Variants in SAMHD1 observed in about 807,000 individuals in gnomAD.
SAMHD1 encodes the protein SAM and HD domain containing deoxynucleoside triphosphate triphosphohydrolase 1, also known as deoxynucleoside triphosphate triphosphohydrolase SAMHD1.
SAMHD1 carries 54 observed loss-of-function variants against 79.6 expected under a neutral mutation model. That is an observed-to-expected ratio of 0.68 (90% CI 0.55 to 0.85). SAMHD1 has a LOEUF of 0.85. SAMHD1 is among the 40% of genes least tolerant of loss of function. The probability of loss-of-function intolerance (pLI) is 0.00; values close to 1 mark genes in which losing one functional copy is unlikely to be tolerated. For synonymous variants in SAMHD1, 260 were observed against 264.1 expected (o/e 0.98, Z 0.15); for missense variants, 663 against 782.7 (o/e 0.85, Z 1.82).
At position 36,951,668 on chromosome 20, in the gene SAMHD1, CA is replaced by C. The variant is rs764292654; in HGVS notation, c.-26del. 7.4e-6 allele frequency: 12 copies of C among 1,612,012 alleles called. 1 individual carries two copies. The South Asian group carries it at 1.3e-4, about 18-fold the overall frequency. On this transcript the variant is annotated 5_prime_UTR_variant, in exon 1 of 16. Coordinates refer to ENST00000646673, the MANE Select transcript of SAMHD1 (RefSeq NM_015474.4). ...TGGCTACACCTGGCGTCCGGCACAG[CA>C]GTCAAGAACCTCGGCGCCGGACCCG...
chr20:36,946,722 A>G lies in SAMHD1; in HGVS notation c.275+16T>C. The G allele has an allele frequency of 6.3e-7, 1 of 1,597,938 alleles. No homozygotes were observed. The highest frequency in any genetic ancestry group is 8.6e-7 in the Non-Finnish European group (1 of 1,166,814). ...GTGTGTTTGGTTATAACGTGAATTT[A>G]TTTCTTCATTCTTACCTTACTCCAA... On this transcript the variant is annotated intron_variant, in intron 2 of 15. Coordinates refer to ENST00000646673, the MANE Select transcript of SAMHD1 (RefSeq NM_015474.4).
At chr20:36,941,506 T>C (rs1027407009) in intron 2 of SAMHD1, among the ~76,000 whole-genome samples, 2 of 152,198 alleles carry the variant, frequency 1.3e-5, no homozygotes, top group African/African-American at 4.8e-5. Context: ...ATGAATGAAA[T>C]ACATATGAAG....
At chr20:36,906,612 A>G (rs1043791153) in intron 11 of SAMHD1, among the ~76,000 whole-genome samples, 3 of 152,188 alleles carry the variant, frequency 2.0e-5, no homozygotes, top group African/African-American at 7.2e-5. Flanking sequence ...AATTTCTATA[A>G]TAATAAAACA....
intron 4 of SAMHD1, among the ~76,000 whole-genome samples, chr20:36,932,033 A>C (rs941777609): frequency 3.3e-5 from 5 of 151,970 alleles, no homozygotes; most frequent in Admixed American, 2.0e-4. Context: ...TAATCCCAGC[A>C]CTTTGGGAGG....
intron 13 of SAMHD1, among the ~76,000 whole-genome samples, chr20:36,902,184 G>T (rs915589674): frequency 2.0e-5 from 3 of 151,756 alleles, no homozygotes; most frequent in Non-Finnish European, 2.9e-5. Context: ...ATGATTATTA[G>T]TAGTAGTATT....
intron 13 of SAMHD1, among the ~76,000 whole-genome samples, chr20:36,901,868 ATC>A (rs1179506880): frequency 1.3e-5 from 2 of 152,246 alleles, no homozygotes; most frequent in African/African-American, 4.8e-5. Context: ...GACCAAGAAT[ATC>A]TCTGTCACTG....
rs551472065 is a variant in SAMHD1 at position 36,951,636 on chromosome 20, C to A, written c.8G>T (p.Arg3Leu). Residue 3 changes from arginine (R) to leucine (L), a missense_variant, in exon 1 of 16, where the codon CGA becomes CTA. Physicochemically the swap from Arg to Leu is moderately radical, Grantham distance 102. Transcript: ENST00000646673. Reference protein sequence around the residue: MQRADSEQPSKRP... With the variant: MQLADSEQPSKRP... ...CTTGGAGGGCTGCTCGGAATCGGCT[C>A]GCTGCATGGCTACACCTGGCGTCCG... 7.4e-6 allele frequency: 12 copies of A among 1,613,564 alleles called. No homozygotes were observed. The Admixed American group carries it at 1.0e-4, about 13-fold the overall frequency.
At chr20:36,944,275 T>G (rs2063669341) in intron 2 of SAMHD1, among the ~76,000 whole-genome samples, 2 of 144,536 alleles carry the variant, frequency 1.4e-5, no homozygotes, top group South Asian at 4.3e-4. Context: ...TGAACACCAC[T>G]GAACTTGAAC....
chr20:36,929,811 G>C (rs531305195), intron 5 of SAMHD1, among the ~76,000 whole-genome samples: 1 of 152,198 alleles, frequency 6.6e-6, no homozygotes, highest in South Asian at 2.1e-4. Context: ...ACCTCACATG[G>C]ATCAGAAAAG....
intron 13 of SAMHD1, among the ~76,000 whole-genome samples, chr20:36,900,723 T>C (rs1426721842): frequency 1.3e-5 from 2 of 151,500 alleles, no homozygotes; most frequent in African/African-American, 2.4e-5. Flanking sequence ...TGTGCCATCA[T>C]GCCTGGCTCA....
intron 3 of SAMHD1, among the ~76,000 whole-genome samples, chr20:36,939,529 GA>G (rs2063627965): frequency 6.6e-6 from 1 of 151,698 alleles, no homozygotes; most frequent in Middle Eastern, 3.2e-3. Context: ...CTGGGAGGCA[GA>G]GGTTGCAGTA....
chr20:36,929,149 T>A (rs2063553500), intron 5 of SAMHD1, among the ~76,000 whole-genome samples: 1 of 151,640 alleles, frequency 6.6e-6, no homozygotes, highest in Admixed American at 6.6e-5. Flanking sequence ...AGGCTACACA[T>A]AAAGGCTCGC....
intron 13 of SAMHD1, among the ~76,000 whole-genome samples, chr20:36,899,719 T>G (rs923124218): frequency 1.3e-5 from 2 of 152,104 alleles, no homozygotes; most frequent in African/African-American, 4.8e-5. Flanking sequence ...AACTGTCTCC[T>G]GGATTTAGCA....
intron 9 of SAMHD1, among the ~76,000 whole-genome samples, chr20:36,913,972 T>C (rs973931029): frequency 1.3e-5 from 2 of 152,090 alleles, no homozygotes; most frequent in Admixed American, 6.6e-5. Context: ...CAGGATGGTC[T>C]CAAACTCGGT....
chr20:36,930,927 A>C, intron 4 of SAMHD1, 52 bp from the exon 5 acceptor site: 1 of 1,238,880 alleles, frequency 8.1e-7, no homozygotes. Context: ...GAGGAGTGAT[A>C]GTTCTGGTCC....
At chr20:36,938,335 T>C (rs974516205) in intron 3 of SAMHD1, among the ~76,000 whole-genome samples, 2 of 148,608 alleles carry the variant, frequency 1.3e-5, no homozygotes, top group African/African-American at 5.0e-5. Context: ...AGGTCAGGAG[T>C]TCGAGGCCAG....
At chr20:36,921,849 CA>C (rs1357217659) in intron 6 of SAMHD1, among the ~76,000 whole-genome samples, 2 of 152,124 alleles carry the variant, frequency 1.3e-5, no homozygotes, top group East Asian at 3.9e-4. Context: ...CCACCATGCC[CA>C]GATAATTTTT....
rs1260090439 is a variant in SAMHD1 at position 36,897,976 on chromosome 20, G to T, written c.1609-17C>A. The T allele has an allele frequency of 3.1e-6, 5 of 1,613,762 alleles. No homozygotes were observed. In the Admixed American group the frequency reaches 5.0e-5, roughly 16 times the overall value. Reference sequence around the variant, plus strand: ...TTGTGAAACCTTTTTAAAATGAAGAGATTTCACTATCACCTTGAAGTCACA... The same window carrying T: ...TTGTGAAACCTTTTTAAAATGAAGATATTTCACTATCACCTTGAAGTCACA... On this transcript the variant is annotated splice_polypyrimidine_tract_variant and intron_variant, in intron 14 of 15. Coordinates refer to ENST00000646673, the MANE Select transcript of SAMHD1 (RefSeq NM_015474.4).
At chr20:36,930,942 G>T (rs1207003237) in intron 4 of SAMHD1, 67 bp from the exon 5 acceptor site, 1 of 1,063,590 alleles carries the variant, frequency 9.4e-7, no homozygotes, top group Admixed American at 1.7e-5. Context: ...TGGTCCTCAA[G>T]AACTTCAGTA....
Sources: gnomAD v4.1 joint callset for allele counts (sites outside exome capture counted in the v4.1 genomes callset) on GRCh38, gnomAD v4.1.1 for gene constraint, MANE v1.5 for transcripts, NCBI Gene and HGNC (gene_info 2026-07-23, HGNC 2026-07-21) for gene names.